TRANK1: variants seen among roughly 807,000 people sequenced by gnomAD.
TRANK1 encodes tetratricopeptide repeat and ankyrin repeat containing 1.
Under a neutral mutation model 266.0 loss-of-function variants are expected in TRANK1, and 198 were observed. The ratio of observed to expected loss-of-function variants is 0.74; its 90% confidence interval spans 0.66 to 0.84. The LOEUF is 0.84. Ranked by LOEUF, TRANK1 falls within the 40% of genes least tolerant of loss-of-function variation. The pLI is 0.00. For synonymous variants in TRANK1, 1,396 were observed against 1,384.1 expected, an observed-to-expected ratio of 1.01 and a Z score of -0.19; for missense variants, 3,326 against 3,634.6, an observed-to-expected ratio of 0.92 and a Z score of 2.18.
chr3:36,915,132 T>C lies in TRANK1; in HGVS notation c.24-6678A>G, dbSNP rs183246664. On this transcript the variant is annotated intron_variant, in intron 1 of 23. Coordinates refer to ENST00000645898, the MANE Select transcript of TRANK1 (RefSeq NM_001329998.2). ...ACGCCCGGCTAATTTTTTGTATTTTTAGTAGAGATGGGGTTTCACTGTGTT... is the reference window on the plus strand; with the variant it reads ...ACGCCCGGCTAATTTTTTGTATTTTCAGTAGAGATGGGGTTTCACTGTGTT... Among the ~76,000 whole-genome samples the C allele has an allele frequency of 3.4e-4, 51 of 152,078 alleles. No homozygotes were observed. In the East Asian group the frequency reaches 9.5e-3, roughly 28 times the overall value.
At chr3:36,912,986 A>G (rs930594689) in intron 1 of TRANK1, among the ~76,000 whole-genome samples, 6 of 151,792 alleles carry the variant, frequency 4.0e-5, no homozygotes, top group Non-Finnish European at 7.4e-5. Context: ...GAATGCTGGC[A>G]GTAGCAGTAG....
chr3:36,944,690 A>G, intron 1 of TRANK1, 97 bp downstream of exon 1: 5 of 1,405,444 alleles, frequency 3.6e-6, no homozygotes, highest in Non-Finnish European at 4.8e-6. Flanking sequence ...CCGCTACCTC[A>G]GGGTCGCCAG....
intron 9 of TRANK1, among the ~76,000 whole-genome samples, chr3:36,872,888 C>G (rs768218525): frequency 4.6e-5 from 7 of 152,074 alleles, no homozygotes; most frequent in Non-Finnish European, 7.3e-5. Flanking sequence ...TAGATACATA[C>G]TAGGGAAATT....
At chr3:36,909,133 C>T (rs1192975882) in intron 1 of TRANK1, among the ~76,000 whole-genome samples, 1 of 152,190 alleles carries the variant, frequency 6.6e-6, no homozygotes, top group Admixed American at 6.6e-5. Context: ...AAATATTTGT[C>T]CCTGAGACAG....
chr3:36,877,617 GA>G (rs1180757721), intron 8 of TRANK1, among the ~76,000 whole-genome samples: 1 of 152,146 alleles, frequency 6.6e-6, no homozygotes, highest in African/African-American at 2.4e-5. Flanking sequence ...TACTATTAGG[GA>G]AAGATGACTA....
rs764528570 is a variant in TRANK1 at position 36,855,600 on chromosome 3, C to G, written c.4122G>C (p.Lys1374Asn). 1 of 1,613,892 alleles carries G rather than the reference C, an allele frequency of 6.2e-7. No homozygotes were observed. Among genetic ancestry groups the G allele is most frequent in the East Asian group, 2.2e-5 (1 of 44,870 alleles). ...TGGGGCACCGTTTCCTCCCTAATTT[C>G]TTATATACTTCTTCAGTGAGTCTCC... ...PHGRLTEEVY[K>N]KLGRKRCPNF... is the part of the protein sequence containing the mutation. The change falls in exon 13 of 24, where the codon AAG becomes AAC. Residue 1374 changes from lysine (K) to asparagine (N), a missense_variant. Lys to Asn is a moderately conservative substitution (Grantham distance 94, BLOSUM62 0). Transcript: ENST00000645898.
intron 18 of TRANK1, among the ~76,000 whole-genome samples, chr3:36,841,211 C>G (rs1287589373): frequency 6.6e-6 from 1 of 152,192 alleles, no homozygotes; most frequent in Non-Finnish European, 1.5e-5. Flanking sequence ...GACAAGCCCT[C>G]CATAGAAAAC....
intron 20 of TRANK1, among the ~76,000 whole-genome samples, chr3:36,835,952 G>C (rs2078765681): frequency 6.6e-6 from 1 of 152,188 alleles, no homozygotes; most frequent in South Asian, 2.1e-4. Flanking sequence ...CAGAAAGCTA[G>C]GCAAAGGATA....
intron 18 of TRANK1, among the ~76,000 whole-genome samples, chr3:36,841,365 T>C (rs1330839072): frequency 6.6e-6 from 1 of 152,236 alleles, no homozygotes; most frequent in Non-Finnish European, 1.5e-5. Flanking sequence ...GATCCAGTTG[T>C]TGTTTCAGAA....
rs2080550311 is a variant in TRANK1 at position 36,944,830 on chromosome 3, C to CA, written c.-22dup. ...CACATGGCTGCGGCCGGAGGGTCCG[C>CA]ACCAGGACCGCCGCCGCCTGGGGAA... On this transcript the variant is annotated 5_prime_UTR_variant, in exon 1 of 24. Coordinates refer to ENST00000645898, the MANE Select transcript of TRANK1 (RefSeq NM_001329998.2). 8 of 1,460,564 alleles carry CA rather than the reference C, an allele frequency of 5.5e-6. No homozygotes were observed. In the South Asian group the frequency reaches 1.0e-4, roughly 19 times the overall value. The allele number at this position is 1,460,564 out of a possible 1,614,324, so 90.5% of individuals were successfully genotyped here. A position where few individuals can be genotyped will look rare whatever the true frequency, so the allele number is the denominator to read the frequency against.
intron 1 of TRANK1, among the ~76,000 whole-genome samples, chr3:36,913,705 A>G (rs1013094890): frequency 5.3e-5 from 8 of 151,840 alleles, no homozygotes; most frequent in Non-Finnish European, 1.0e-4. Flanking sequence ...TTCTTAAGAA[A>G]CTCACTCAAA....
At position 36,855,852 on chromosome 3, in the gene TRANK1, C is replaced by A; in HGVS notation, c.3870G>T (p.Glu1290Asp). Residue 1290 changes from glutamate (E) to aspartate (D), a missense_variant, in exon 13 of 24, where the codon GAG becomes GAT. Physicochemically the swap from Glu to Asp is conservative, Grantham distance 45. Coordinates refer to ENST00000645898, the MANE Select transcript of TRANK1 (RefSeq NM_001329998.2). ...QEESTIPSWQ[E>D]DEEEAEVDGD... The stretch of plus-strand genomic sequence containing the variant: ...CATCCACCTCAGCCTCCTCTTCATC[C>A]TCTTGCCAACTAGGAATGGTTGACT... The A allele has an allele frequency of 6.2e-7, 1 of 1,613,656 alleles. No individual in the cohort carries two copies. The highest frequency in any genetic ancestry group is 8.5e-7 in the Non-Finnish European group (1 of 1,179,836).
rs749705354 is a variant in TRANK1 at position 36,856,020 on chromosome 3, G to T, written c.3702C>A (p.Asp1234Glu). 2 of 1,613,750 alleles carry T rather than the reference G, an allele frequency of 1.2e-6. No homozygotes were observed. Among genetic ancestry groups the T allele is most frequent in the Admixed American group, 3.3e-5 (2 of 59,976 alleles). The change falls in exon 13 of 24, where the codon GAC becomes GAA. Residue 1234 changes from aspartate to glutamate, a missense_variant. Asp to Glu is a conservative substitution (Grantham distance 45, BLOSUM62 2). Coordinates refer to ENST00000645898, the MANE Select transcript of TRANK1 (RefSeq NM_001329998.2). ...ACAGAGGAAAGTTCTCGTCCCTCAG[G>T]TCCTGGAGTTTGTGAATGTTGGGGT... ...PLDPNIHKLQDLRDENFPLFV... is the reference protein window; with the variant it reads ...PLDPNIHKLQELRDENFPLFV...
chr3:36,898,694 A>G (rs2079830374), intron 4 of TRANK1, among the ~76,000 whole-genome samples: 2 of 151,988 alleles, frequency 1.3e-5, no homozygotes, highest in African/African-American at 4.8e-5. Flanking sequence ...TACTAAAAAT[A>G]CAAAAAACTA....
chr3:36,861,704 C>CTT (rs375054559), intron 10 of TRANK1, among the ~76,000 whole-genome samples: 26,737 of 123,900 alleles, frequency 0.22, 3,661 homozygotes, highest in East Asian at 0.55. Flanking sequence ...GAGTAGAAAA[C>CTT]TTTTTTTTTT....
chr3:36,853,616 C>G (rs1028077383), intron 13 of TRANK1, among the ~76,000 whole-genome samples: 1 of 152,114 alleles, frequency 6.6e-6, no homozygotes, highest in Admixed American at 6.5e-5. Flanking sequence ...ACTTAAATGG[C>G]CTTCTAGGGA....
At position 36,861,172 on chromosome 3, in the gene TRANK1, A is replaced by C; in HGVS notation, c.1241-12T>G. On this transcript the variant is annotated splice_polypyrimidine_tract_variant and intron_variant, in intron 10 of 23. Coordinates refer to ENST00000645898, the MANE Select transcript of TRANK1 (RefSeq NM_001329998.2). ...GTCAGGAGGAATTTCTTTCAAAAAT[A>C]AGAGTAAGACACATTCCAAAAATGT... 1 of 1,535,678 alleles carries C rather than the reference A, an allele frequency of 6.5e-7. No homozygotes were observed. Among genetic ancestry groups the C allele is most frequent in the Non-Finnish European group, 8.7e-7 (1 of 1,145,880 alleles).
chr3:36,833,064 C>T lies in TRANK1; in HGVS notation c.6519G>A (p.Leu2173=), dbSNP rs1168152382. Reference sequence around the variant, plus strand: ...TCCGTGTGATCTGACACAGCCTGCCCAAAAGGTGTTTGTTTAGGGCTAATT... The same window carrying T: ...TCCGTGTGATCTGACACAGCCTGCCTAAAAGGTGTTTGTTTAGGGCTAATT... The part of the protein sequence containing the change: ...QVKLALNKHL[L]GRLCQITRSL... Residue 2173 remains leucine (L), a synonymous_variant, in exon 22 of 24, where the codon TTG becomes TTA. Transcript: ENST00000645898. The T allele has an allele frequency of 2.5e-6, 4 of 1,612,776 alleles. No individual in the cohort carries two copies. The South Asian group carries it at 3.3e-5, about 13-fold the overall frequency.
At chr3:36,889,759 G>A (rs762466827) in intron 8 of TRANK1, 70 bp downstream of exon 8, 72 of 1,462,752 alleles carry the variant, frequency 4.9e-5, no homozygotes, top group African/African-American at 9.9e-5. Flanking sequence ...CAAGGCAGTC[G>A]GTGGTGTGGG....
Sources: allele counts gnomAD v4.1 joint callset (sites outside exome capture counted in the v4.1 genomes callset), GRCh38; gene constraint gnomAD v4.1.1; transcripts MANE v1.5; gene names NCBI Gene and HGNC (gene_info 2026-07-23, HGNC 2026-07-21).